The following EHMT1 variants were observed in gnomAD, a reference collection of about 807,000 sequenced individuals.
The protein encoded by EHMT1 is histone-lysine N-methyltransferase EHMT1.
Under a neutral mutation model 147.2 loss-of-function variants are expected in EHMT1, and 15 were observed. The observed-to-expected ratio is 0.10, with a 90% CI of 0.07 to 0.16. The LOEUF (loss-of-function observed/expected upper bound fraction) is 0.16, where lower values mean the gene tolerates loss of function less well. Ranked by LOEUF, EHMT1 falls within the 10% of genes least tolerant of loss-of-function variation. EHMT1 has a pLI of 1.00. For missense variants in EHMT1, 1,587 were observed against 1,772.4 expected, an observed-to-expected ratio of 0.90 and a Z score of 1.88; for synonymous variants, 795 against 709.6, an observed-to-expected ratio of 1.12 and a Z score of -1.91.
At chr9:137,670,274 C>T (rs751695133) in intron 1 of EHMT1, among the ~76,000 whole-genome samples, 1 of 152,132 alleles carries the variant, frequency 6.6e-6, no homozygotes, top group Non-Finnish European at 1.5e-5. Flanking sequence ...TGCATCCTCC[C>T]TCATTCTCCC....
chr9:137,712,209 C>T (rs1185394942), intron 2 of EHMT1, among the ~76,000 whole-genome samples: 1 of 152,228 alleles, frequency 6.6e-6, no homozygotes, highest in Non-Finnish European at 1.5e-5. Flanking sequence ...CTTCCCCCTT[C>T]TCTCCCTGGT....
At chr9:137,796,015 G>C (rs1952911565) in intron 16 of EHMT1, among the ~76,000 whole-genome samples, 1 of 152,240 alleles carries the variant, frequency 6.6e-6, no homozygotes, top group Admixed American at 6.5e-5. Context: ...CCTGTCAGTA[G>C]TTATGCTGCA....
chr9:137,622,595 G>T (rs1027923299), intron 1 of EHMT1, among the ~76,000 whole-genome samples: 1 of 152,228 alleles, frequency 6.6e-6, no homozygotes, highest in East Asian at 1.9e-4. Flanking sequence ...GAAGATTTTT[G>T]TTCTCTTATG....
chr9:137,814,260 A>G lies in EHMT1; in HGVS notation c.3181-171A>G, dbSNP rs140351727. 248 of 726,038 alleles carry G rather than the reference A, an allele frequency of 3.4e-4. 3 individuals are homozygous for G. In the African/African-American group the frequency reaches 3.9e-3, roughly 12 times the overall value. 45.0% of individuals were successfully genotyped at this position (726,038 alleles called of 1,614,324 possible). On this transcript the variant is annotated intron_variant, in intron 21 of 26. Coordinates refer to ENST00000460843, the MANE Select transcript of EHMT1 (RefSeq NM_024757.5). ...GAGCTCCCTCCCACAGGCACTCGACATGTTTCTGCCTGCACAGCCTTCTCC... is the reference window on the plus strand; with the variant it reads ...GAGCTCCCTCCCACAGGCACTCGACGTGTTTCTGCCTGCACAGCCTTCTCC...
At position 137,732,479 on chromosome 9, in the gene EHMT1, TCAGTAGCTCCTACTGGCAGGGAGG is replaced by T. The variant is rs1947193868; in HGVS notation, c.823+3955_823+3978del. Among the ~76,000 whole-genome samples, 3 of 152,330 alleles carry T rather than the reference TCAGTAGCTCCTACTGGCAGGGAGG, an allele frequency of 2.0e-5. No homozygotes were observed. The South Asian group carries it at 6.2e-4, about 32-fold the overall frequency. ...CTCTCAGCGGAGAGGAGACCCAAAG[TCAGTAGCTCCTACTGGCAGGGAGG>T]CAGTCCTGTTGTGTGGCTGAGTCTG... On this transcript the variant is annotated intron_variant, in intron 4 of 26. Transcript: ENST00000460843. The surrounding 1 kb of genome is among the most constrained non-coding windows in gnomAD (Gnocchi z 4.6).
At position 137,799,569 on chromosome 9, in the gene EHMT1, C is replaced by T. The variant is rs142458282; in HGVS notation, c.2607+655C>T. Among the ~76,000 whole-genome samples the T allele has an allele frequency of 5.9e-3, 899 of 152,296 alleles. 7 individuals are homozygous for T. The highest frequency in any genetic ancestry group is 0.016 in the African/African-American group (677 of 41,558). On this transcript the variant is annotated intron_variant, in intron 17 of 26. Transcript: ENST00000460843. ...TCAGCTCAGCATGCACTGGGAGTCC[C>T]TCCTGCATGGATTGAGGCTGCTCAC...
At chr9:137,722,776 C>T (rs1564641067) in intron 3 of EHMT1, among the ~76,000 whole-genome samples, 1 of 152,164 alleles carries the variant, frequency 6.6e-6, no homozygotes, top group African/African-American at 2.4e-5. Flanking sequence ...GGAGTGTGCT[C>T]TGTATCTGTG....
chr9:137,742,074 G>A (rs1276757098), intron 4 of EHMT1, among the ~76,000 whole-genome samples: 2 of 152,220 alleles, frequency 1.3e-5, no homozygotes, highest in African/African-American at 4.8e-5. Flanking sequence ...CATGTTGGCT[G>A]TGTGCTCCGA....
intron 10 of EHMT1, among the ~76,000 whole-genome samples, chr9:137,767,120 G>A (rs1394170448): frequency 1.3e-5 from 2 of 152,110 alleles, no homozygotes; most frequent in African/African-American, 4.8e-5. Flanking sequence ...ACCGTGCCCA[G>A]CCTACTTTTA....
intron 1 of EHMT1, among the ~76,000 whole-genome samples, chr9:137,679,841 T>C (rs1313625880): frequency 6.6e-6 from 1 of 152,232 alleles, no homozygotes; most frequent in East Asian, 1.9e-4. Flanking sequence ...GACCTTGGCA[T>C]TGTGCCTAGA....
At chr9:137,707,278 C>CAGCAT (rs1259898832) in intron 1 of EHMT1, among the ~76,000 whole-genome samples, 1 of 152,110 alleles carries the variant, frequency 6.6e-6, no homozygotes, top group Non-Finnish European at 1.5e-5. Context: ...CTAGGAGCAG[C>CAGCAT]CCCTGGGCTA....
At position 137,828,411 on chromosome 9, in the gene EHMT1, C is replaced by T. The variant is rs1955965944; in HGVS notation, c.3541-5938C>T. On this transcript the variant is annotated intron_variant, in intron 25 of 26. Transcript: ENST00000460843. This position sits in a 1 kb window ranked among gnomAD's most constrained non-coding sequence, Gnocchi z 5.3. ...GTCTGGGCTGGGTCATCAGGCATGACCATTGCCAAGGCCACATCCTGACTC... is the reference window on the plus strand; with the variant it reads ...GTCTGGGCTGGGTCATCAGGCATGATCATTGCCAAGGCCACATCCTGACTC... 6.6e-6 allele frequency among the ~76,000 whole-genome samples: 1 copy of T among 151,790 alleles called. No homozygotes were observed. The highest frequency in any genetic ancestry group is 2.4e-5 in the African/African-American group (1 of 41,296).
At position 137,662,358 on chromosome 9, in the gene EHMT1, G is replaced by A. The variant is rs547707956; in HGVS notation, c.21+43309G>A. ...GACTACAGGCACATGCCACAATCCC[G>A]AGCTAATTTTTGTATTTTTTGTAGA... On this transcript the variant is annotated intron_variant, in intron 1 of 26. Transcript: ENST00000460843. Among the ~76,000 whole-genome samples, 8 of 151,836 alleles carry A rather than the reference G, an allele frequency of 5.3e-5. No individual in the cohort carries two copies. The East Asian group carries it at 1.6e-3, about 30-fold the overall frequency.
At chr9:137,808,676 T>TGGGGGG (rs147011444) in intron 18 of EHMT1, among the ~76,000 whole-genome samples, 1 of 58,438 alleles carries the variant, frequency 1.7e-5, no homozygotes, top group African/African-American at 3.6e-5. Flanking sequence ...GGGCGGGGGG[T>TGGGGGG]GGGGGGGGCG....
intron 1 of EHMT1, among the ~76,000 whole-genome samples, chr9:137,671,484 CGACCCAAA>C (rs1310005663): frequency 6.7e-6 from 1 of 150,176 alleles, no homozygotes; most frequent in African/African-American, 2.4e-5. Flanking sequence ...CAAAACAAAG[CGACCCAAA>C]GACCCGAAGA....
chr9:137,731,188 G>A lies in EHMT1; in HGVS notation c.823+2659G>A, dbSNP rs187386248. On this transcript the variant is annotated intron_variant, in intron 4 of 26. Transcript: ENST00000460843. This position sits in a 1 kb window ranked among gnomAD's most constrained non-coding sequence, Gnocchi z 4.3. ...CTTCCTTATCCGTAACCTGGAAGTG[G>A]GTGGTCCATCAGCGTGTTAGCCTAG... Among the ~76,000 whole-genome samples, 1 of 152,190 alleles carries A rather than the reference G, an allele frequency of 6.6e-6. No individual in the cohort carries two copies. Among genetic ancestry groups the A allele is most frequent in the African/African-American group, 2.4e-5 (1 of 41,432 alleles).
At chr9:137,771,060 G>A (rs1950552257) in intron 10 of EHMT1, among the ~76,000 whole-genome samples, 1 of 151,908 alleles carries the variant, frequency 6.6e-6, no homozygotes, top group South Asian at 2.1e-4. Context: ...TCTTGGTGGT[G>A]CATAACCTTT....
chr9:137,629,386 C>T (rs144881672), intron 1 of EHMT1, among the ~76,000 whole-genome samples: 1,799 of 151,088 alleles, frequency 0.012, 32 homozygotes, highest in African/African-American at 0.041. Flanking sequence ...GCCACCACAC[C>T]TGGCCAGTTT....
intron 1 of EHMT1, among the ~76,000 whole-genome samples, chr9:137,678,583 T>A (rs981893377): frequency 5.3e-5 from 8 of 152,110 alleles, no homozygotes; most frequent in Non-Finnish European, 7.4e-5. Flanking sequence ...CCTTCTGAGA[T>A]CCCTAGCTGA....
Sources: gnomAD v4.1 joint callset for allele counts (sites outside exome capture counted in the v4.1 genomes callset) on GRCh38, gnomAD v4.1.1 for gene constraint, Gnocchi (gnomAD v3.1) non-coding constraint, MANE v1.5 for transcripts, NCBI Gene and HGNC (gene_info 2026-07-23, HGNC 2026-07-21) for gene names.